Variants in CTNNA3 observed in about 807,000 individuals in gnomAD.
CTNNA3 encodes catenin alpha 3.
CTNNA3 carries 76 observed loss-of-function variants against 95.7 expected under a neutral mutation model. That is an observed-to-expected ratio of 0.79 (90% CI 0.66 to 0.96). CTNNA3 has a LOEUF of 0.96. Ranked by LOEUF, CTNNA3 falls within the 40% of genes least tolerant of loss-of-function variation. CTNNA3 has a pLI of 0.00. For missense variants in CTNNA3, 1,191 were observed against 1,089.8 expected (o/e 1.09, Z -1.31); for synonymous variants, 431 against 374.4 (o/e 1.15, Z -1.74).
At chr10:67,168,084 C>T (rs1041463453) in intron 7 of CTNNA3, among the ~76,000 whole-genome samples, 5 of 152,176 alleles carry the variant, frequency 3.3e-5, no homozygotes, top group Admixed American at 2.6e-4. Flanking sequence ...TGCAGTGAGC[C>T]GAGATGGCGT....
At chr10:66,671,083 T>C (rs1846643311) in intron 9 of CTNNA3, among the ~76,000 whole-genome samples, 1 of 152,168 alleles carries the variant, frequency 6.6e-6, no homozygotes, top group South Asian at 2.1e-4. Context: ...TGATTACAAT[T>C]AGAGATGTCT....
chr10:66,658,239 T>TCTCC (rs1463544369), intron 9 of CTNNA3, among the ~76,000 whole-genome samples: 1 of 142,838 alleles, frequency 7.0e-6, no homozygotes, highest in Non-Finnish European at 1.6e-5. Flanking sequence ...TCTCTCTCTC[T>TCTCC]CTCTCCCCCT....
At position 66,334,052 on chromosome 10, in the gene CTNNA3, C is replaced by T. The variant is rs551804154; in HGVS notation, c.1732+45100G>A. On this transcript the variant is annotated intron_variant, in intron 12 of 17. Coordinates refer to ENST00000433211, the MANE Select transcript of CTNNA3 (RefSeq NM_013266.4). ...TTTTATCAGAGACTAGGATTGCAAC[C>T]CCTACCTTTTTTTGTTTTCCATTTG... Among the ~76,000 whole-genome samples the T allele has an allele frequency of 6.6e-4, 101 of 152,068 alleles. 1 individual carries two copies. Among genetic ancestry groups the T allele is most frequent in the African/African-American group, 2.4e-3 (99 of 41,510 alleles).
chr10:67,507,172 T>C (rs1045068067), intron 5 of CTNNA3, among the ~76,000 whole-genome samples: 1 of 152,122 alleles, frequency 6.6e-6, no homozygotes, highest in Non-Finnish European at 1.5e-5. Context: ...CCTAGACACA[T>C]AAAAACTACC....
chr10:67,468,874 T>C (rs1458363818), intron 5 of CTNNA3, among the ~76,000 whole-genome samples: 5 of 151,828 alleles, frequency 3.3e-5, no homozygotes. Context: ...AATGAGGGGG[T>C]TTCTTTGTCA....
chr10:66,245,711 G>A (rs2090289898), intron 13 of CTNNA3, among the ~76,000 whole-genome samples: 1 of 152,150 alleles, frequency 6.6e-6, no homozygotes, highest in Admixed American at 6.5e-5. Flanking sequence ...GCAAAGAGAA[G>A]GCCCTGGAGT....
At chr10:66,424,435 A>G (rs34056410) in intron 11 of CTNNA3, among the ~76,000 whole-genome samples, 40,243 of 151,952 alleles carry the variant, frequency 0.26, 5,492 homozygotes, top group South Asian at 0.39. Context: ...GTTTAATACT[A>G]TAATTTCCAC....
intron 6 of CTNNA3, among the ~76,000 whole-genome samples, chr10:67,209,371 G>C (rs1457510093): frequency 6.6e-6 from 1 of 151,966 alleles, no homozygotes; most frequent in Non-Finnish European, 1.5e-5. Context: ...TAAATGTATG[G>C]AACAAAATAC....
At chr10:66,032,287 T>G (rs2079464993) in intron 15 of CTNNA3, among the ~76,000 whole-genome samples, 1 of 152,208 alleles carries the variant, frequency 6.6e-6, no homozygotes, top group Non-Finnish European at 1.5e-5. Flanking sequence ...ATTGTTTTTC[T>G]TTTGCATGTG....
At chr10:67,232,453 G>A (rs1865260290) in intron 5 of CTNNA3, among the ~76,000 whole-genome samples, 1 of 151,914 alleles carries the variant, frequency 6.6e-6, no homozygotes, top group African/African-American at 2.4e-5. Flanking sequence ...TTACAGAGAA[G>A]CAAATCCTGA....
At chr10:66,707,205 A>G (rs1848146260) in intron 9 of CTNNA3, among the ~76,000 whole-genome samples, 1 of 152,052 alleles carries the variant, frequency 6.6e-6, no homozygotes, top group Non-Finnish European at 1.5e-5. Flanking sequence ...AACAAACTTC[A>G]GTTAGAAAAA....
At chr10:66,693,565 T>C (rs1847641721) in intron 9 of CTNNA3, among the ~76,000 whole-genome samples, 1 of 151,544 alleles carries the variant, frequency 6.6e-6, no homozygotes, top group African/African-American at 2.4e-5. Flanking sequence ...GACAGAAAGT[T>C]AACAAGGATA....
intron 13 of CTNNA3, among the ~76,000 whole-genome samples, chr10:66,172,529 T>C (rs1379070266): frequency 6.6e-6 from 1 of 152,134 alleles, no homozygotes; most frequent in Non-Finnish European, 1.5e-5. Flanking sequence ...TTTATTTTTC[T>C]TGTTTATTTC....
At chr10:66,807,907 G>GTC (rs1488773357) in intron 7 of CTNNA3, among the ~76,000 whole-genome samples, 25 of 152,088 alleles carry the variant, frequency 1.6e-4, no homozygotes, top group African/African-American at 5.8e-4. Context: ...CTCATTTTCA[G>GTC]GAGTTTCCCT....
At chr10:66,600,724 T>C (rs1467521307) in intron 10 of CTNNA3, among the ~76,000 whole-genome samples, 1 of 151,876 alleles carries the variant, frequency 6.6e-6, no homozygotes, top group Non-Finnish European at 1.5e-5. Context: ...TACATAAATG[T>C]CAAGTAATAT....
intron 1 of CTNNA3, among the ~76,000 whole-genome samples, chr10:67,675,355 G>A: frequency 6.6e-6 from 1 of 152,074 alleles, no homozygotes; most frequent in East Asian, 1.9e-4. Context: ...TTTCAGGTTG[G>A]CTAAAGATTG....
intron 1 of CTNNA3, among the ~76,000 whole-genome samples, chr10:67,670,066 A>G (rs1477296937): frequency 6.6e-6 from 1 of 152,226 alleles, no homozygotes; most frequent in East Asian, 1.9e-4. Context: ...TAGAATACCG[A>G]ACTAAACACA....
rs1247182140 is a variant in CTNNA3, at chr10:66,331,504, C to A, written c.1732+47648G>T. ...GTGTAGCTGGGACTACAGGCGCGCA[C>A]CACCATGCCCGGCTAATTTTTGTAT... On this transcript the variant is annotated intron_variant, in intron 12 of 17. Coordinates refer to ENST00000433211, the MANE Select transcript of CTNNA3 (RefSeq NM_013266.4). Among the ~76,000 whole-genome samples, 7 of 151,494 alleles carry A rather than the reference C, an allele frequency of 4.6e-5. No individual in the cohort carries two copies. The South Asian group carries it at 1.3e-3, about 27-fold the overall frequency.
chr10:66,557,123 A>G (rs565016771), intron 10 of CTNNA3, among the ~76,000 whole-genome samples: 1 of 152,222 alleles, frequency 6.6e-6, no homozygotes, highest in East Asian at 1.9e-4. Context: ...TCAATTCAGA[A>G]CTAAGCATCT....
Sources: allele counts gnomAD v4.1 joint callset (sites outside exome capture counted in the v4.1 genomes callset), GRCh38; gene constraint gnomAD v4.1.1; transcripts MANE v1.5; gene names NCBI Gene and HGNC (gene_info 2026-07-23, HGNC 2026-07-21).